PCDH19: variants seen among roughly 807,000 people sequenced by gnomAD.
PCDH19 encodes protocadherin-19.
In PCDH19, 6 loss-of-function variants were observed where a neutral mutation model predicts 46.2. That is an observed-to-expected ratio of 0.13 (90% CI 0.07 to 0.26). The LOEUF (loss-of-function observed/expected upper bound fraction) is 0.26, where lower values mean the gene tolerates loss of function less well. Among genes scored for constraint, PCDH19 ranks in the 10% least tolerant of loss-of-function variants. PCDH19 has a pLI of 1.00. For synonymous variants in PCDH19, 481 were observed against 415.7 expected (o/e 1.16, Z -1.91); for missense variants, 740 against 972.3 (o/e 0.76, Z 3.18).
chrX:100,357,821 C>G lies in PCDH19; in HGVS notation c.2617-7117G>C, dbSNP rs769610307. Among the ~76,000 whole-genome samples, 13 of 112,207 alleles carry G rather than the reference C, an allele frequency of 1.2e-4. No homozygotes were observed. In the East Asian group the frequency reaches 3.6e-3, roughly 31 times the overall value. ...TCATCCCTCAACGGGACTGGAAGCT[C>G]TCTTTTGAGGTCCCTGTGCCATCTG... On this transcript the variant is annotated intron_variant, in intron 3 of 5. Coordinates refer to ENST00000373034, the MANE Select transcript of PCDH19 (RefSeq NM_001184880.2).
At chrX:100,335,477 C>T (rs1487454871) in intron 5 of PCDH19, among the ~76,000 whole-genome samples, 1 of 111,600 alleles carries the variant, frequency 9.0e-6, no homozygotes, top group East Asian at 2.8e-4. Flanking sequence ...CAAATTAGAA[C>T]ATCAAAGGAG....
intron 3 of PCDH19, among the ~76,000 whole-genome samples, chrX:100,361,675 C>A (rs1001580103): frequency 1.8e-5 from 2 of 111,685 alleles, no homozygotes; most frequent in African/African-American, 3.3e-5. Flanking sequence ...ATATTATTAA[C>A]CCTGTTAACG....
intron 3 of PCDH19, among the ~76,000 whole-genome samples, chrX:100,401,988 CT>C (rs1409780895): frequency 2.7e-5 from 3 of 112,240 alleles, no homozygotes; most frequent in Admixed American, 9.4e-5. Flanking sequence ...GGCAAAGTGG[CT>C]TTTTAATTTT....
At position 100,293,348 on chromosome X, in the gene PCDH19, G is replaced by A. The variant is rs1402226772; in HGVS notation, c.*2929C>T. 1 of 111,513 alleles carries A rather than the reference G, an allele frequency of 9.0e-6. No individual in the cohort carries two copies. The highest frequency in any genetic ancestry group is 1.9e-5 in the Non-Finnish European group (1 of 53,098). 9.2% of individuals were successfully genotyped at this position (111,513 alleles called of 1,213,427 possible). ...CTTCAACACCAACTCCTCCTTAAAA[G>A]GGACATCAGAATAAATGGAATAGAA... On this transcript the variant is annotated 3_prime_UTR_variant, in exon 6 of 6. Transcript: ENST00000373034.
Position 100,408,010 on chromosome X carries a change from C to T in PCDH19, c.588G>A (p.Leu196=). Reference sequence around the variant, plus strand: ...TGTAGTGCGACTGCGTCTCGCGGTCCAGGCTCTTTTCCACCACGAGTTCGG... The same window carrying T: ...TGTAGTGCGACTGCGTCTCGCGGTCTAGGCTCTTTTCCACCACGAGTTCGG... ...RFAELVVEKS[L]DRETQSHYSF... Residue 196 remains leucine (L), a synonymous_variant, in exon 1 of 6, where the codon CTG becomes CTA. Coordinates refer to ENST00000373034, the MANE Select transcript of PCDH19 (RefSeq NM_001184880.2). 8.3e-7 allele frequency: 1 copy of T among 1,208,161 alleles called. No homozygotes were observed. The highest frequency in any genetic ancestry group is 1.1e-6 in the Non-Finnish European group (1 of 895,604).
chrX:100,388,688 T>C (rs967339410), intron 3 of PCDH19, among the ~76,000 whole-genome samples: 1 of 111,137 alleles, frequency 9.0e-6, no homozygotes, highest in South Asian at 3.7e-4. Flanking sequence ...TTTTAAATTA[T>C]ACTCCATGTT....
At chrX:100,368,441 G>T (rs1366765256) in intron 3 of PCDH19, among the ~76,000 whole-genome samples, 1 of 111,732 alleles carries the variant, frequency 8.9e-6, no homozygotes, top group East Asian at 2.8e-4. Flanking sequence ...TCCACACTTG[G>T]TGGGGAGCAG....
rs776984894 is a variant in PCDH19, at chrX:100,344,309, C to A, written c.2676-2234G>T. ...CAAACAAGCAAATTATCTTACAGTT[C>A]TTTTATGGCCATGATGGCCAATTGG... On this transcript the variant is annotated intron_variant, in intron 4 of 5. Coordinates refer to ENST00000373034, the MANE Select transcript of PCDH19 (RefSeq NM_001184880.2). 1.5e-4 allele frequency among the ~76,000 whole-genome samples: 17 copies of A among 112,143 alleles called. No individual in the cohort carries two copies. In the South Asian group the frequency reaches 6.0e-3, roughly 39 times the overall value.
chrX:100,332,441 G>C (rs1925899962), intron 5 of PCDH19, among the ~76,000 whole-genome samples: 3 of 107,641 alleles, frequency 2.8e-5, no homozygotes, highest in Admixed American at 1.0e-4. Context: ...AGAATAGCTT[G>C]AACCCGGGAG....
chrX:100,343,421 C>T lies in PCDH19; in HGVS notation c.2676-1346G>A, dbSNP rs184264494. On this transcript the variant is annotated intron_variant, in intron 4 of 5. Transcript: ENST00000373034. Reference sequence around the variant, plus strand: ...CCAGAGAGTGAGCACTAATGCAACTCTGAGTATAGTTATACTAAGAACATG... The same window carrying T: ...CCAGAGAGTGAGCACTAATGCAACTTTGAGTATAGTTATACTAAGAACATG... 8.0e-5 allele frequency among the ~76,000 whole-genome samples: 9 copies of T among 112,331 alleles called. No individual in the cohort carries two copies. The Admixed American group carries it at 8.5e-4, about 11-fold the overall frequency.
Position 100,409,940 on chromosome X carries a change from G to C in PCDH19, c.-1343C>G, listed in dbSNP as rs1602640079. 3.1e-6 allele frequency: 1 copy of C among 319,904 alleles called. No homozygotes were observed. Among genetic ancestry groups the C allele is most frequent in the East Asian group, 4.9e-5 (1 of 20,592 alleles). 26.4% of individuals were successfully genotyped at this position (319,904 alleles called of 1,213,427 possible). On this transcript the variant is annotated 5_prime_UTR_variant, in exon 1 of 6. Transcript: ENST00000373034. ...TCGGGAGGTCTGTCTCGCTTTCTCT[G>C]TCTGTCTCGGGCTGTGTGTGAATGT...
chrX:100,396,580 A>T (rs1311753858), intron 3 of PCDH19, among the ~76,000 whole-genome samples: 2 of 112,053 alleles, frequency 1.8e-5, no homozygotes, highest in African/African-American at 6.5e-5. Flanking sequence ...GTACGGGGAG[A>T]GAGGTGATCT....
Position 100,410,074 on chromosome X carries a change from A to C in PCDH19, c.-1477T>G, listed in dbSNP as rs754251734. The C allele has an allele frequency of 1.4e-5, 4 of 294,776 alleles. No individual in the cohort carries two copies. The highest frequency in any genetic ancestry group is 1.1e-4 in the African/African-American group (4 of 36,070). 24.3% of individuals were successfully genotyped at this position (294,776 alleles called of 1,213,427 possible). A position where few individuals can be genotyped will look rare whatever the true frequency, so the allele number is the denominator to read the frequency against. ...TAGGAGGTTTAGGATTTCGGATGAA[A>C]TCGCTCAGCCGGAATGCTGCGGAGC... On this transcript the variant is annotated 5_prime_UTR_variant, in exon 1 of 6. Transcript: ENST00000373034.
At chrX:100,383,300 C>T (rs1419192779) in intron 3 of PCDH19, among the ~76,000 whole-genome samples, 2 of 112,162 alleles carry the variant, frequency 1.8e-5, no homozygotes, top group African/African-American at 6.5e-5. Flanking sequence ...CCTAAAGCCA[C>T]TTGGCTCCTG....
At chrX:100,403,403 T>C in intron 2 of PCDH19, 121 bp downstream of exon 2, 1 of 675,656 alleles carries the variant, frequency 1.5e-6, no homozygotes, top group East Asian at 3.3e-5. Context: ...TTCTTTCGCG[T>C]CTCCTCCACA....
At position 100,410,116 on chromosome X, in the gene PCDH19, C is replaced by T. The variant is rs1928556458; in HGVS notation, c.-1519G>A. On this transcript the variant is annotated 5_prime_UTR_variant, in exon 1 of 6. Transcript: ENST00000373034. ...CTGCGGAGCGCAACGCGCCAAGGGC[C>T]AGCGCCGGGCTAGGGACGCGGGTGC... 3 of 295,405 alleles carry T rather than the reference C, an allele frequency of 1.0e-5. No individual in the cohort carries two copies. The highest frequency in any genetic ancestry group is 1.2e-5 in the Non-Finnish European group (2 of 169,929). 24.3% of individuals were successfully genotyped at this position (295,405 alleles called of 1,213,427 possible).
rs1225302924 is a variant in PCDH19 at position 100,299,442 on chromosome X, A to G, written c.2849-2567T>C. ...CAACAGCATTCAATAGGAGAATACC[A>G]CCCATGTGTCACCCTGAATCCAAGT... On this transcript the variant is annotated intron_variant, in intron 5 of 5. Transcript: ENST00000373034. Among the ~76,000 whole-genome samples, 3 of 111,119 alleles carry G rather than the reference A, an allele frequency of 2.7e-5. No homozygotes were observed. The Admixed American group carries it at 2.9e-4, about 11-fold the overall frequency.
At chrX:100,385,807 A>G (rs1412003225) in intron 3 of PCDH19, among the ~76,000 whole-genome samples, 1 of 110,856 alleles carries the variant, frequency 9.0e-6, no homozygotes, top group African/African-American at 3.3e-5. Context: ...GGCAGGAGGA[A>G]CTTTTGAACC....
chrX:100,400,126 G>A (rs1414101), intron 3 of PCDH19, among the ~76,000 whole-genome samples: 38,370 of 110,448 alleles, frequency 0.35, 5,828 homozygotes, highest in East Asian at 0.9. Flanking sequence ...GCCGTTACTT[G>A]TGAACAACTG....
Sources: gnomAD v4.1 joint callset for allele counts (sites outside exome capture counted in the v4.1 genomes callset) on GRCh38, gnomAD v4.1.1 for gene constraint, MANE v1.5 for transcripts, NCBI Gene and HGNC (gene_info 2026-07-23, HGNC 2026-07-21) for gene names.